The following GRIA1 variants were observed in gnomAD, a reference collection of about 807,000 sequenced individuals.
GRIA1 encodes the protein glutamate ionotropic receptor AMPA type subunit 1.
A neutral mutation model predicts 99.2 loss-of-function variants in GRIA1; 31 were observed. The ratio of observed to expected loss-of-function variants is 0.31; its 90% CI spans 0.23 to 0.42. The LOEUF is 0.42. GRIA1 is among the 10% of genes least tolerant of loss of function. The pLI is 1.00. For missense variants in GRIA1, 782 were observed against 1,157.5 expected (o/e 0.68, Z 4.71); for synonymous variants, 438 against 432.4 (o/e 1.01, Z -0.16).
chr5:153,751,246 T>G (rs1762494025), intron 11 of GRIA1, among the ~76,000 whole-genome samples: 1 of 152,218 alleles, frequency 6.6e-6, no homozygotes, highest in Non-Finnish European at 1.5e-5. Flanking sequence ...GCCCTCTGCT[T>G]TCTCTCTAAG....
intron 15 of GRIA1, among the ~76,000 whole-genome samples, chr5:153,808,527 T>C (rs1766594629): frequency 6.6e-6 from 1 of 152,172 alleles, no homozygotes; most frequent in Non-Finnish European, 1.5e-5. Flanking sequence ...AATTAGATCA[T>C]GTGGTTCAAC....
intron 2 of GRIA1, among the ~76,000 whole-genome samples, chr5:153,495,432 C>T (rs976264578): frequency 2.0e-5 from 3 of 152,148 alleles, no homozygotes; most frequent in African/African-American, 4.8e-5. Context: ...GTTTTGAGAC[C>T]TGAAGGTCCA....
chr5:153,513,966 T>C (rs1365343182), intron 2 of GRIA1, among the ~76,000 whole-genome samples: 1 of 152,220 alleles, frequency 6.6e-6, no homozygotes, highest in Admixed American at 6.5e-5. Flanking sequence ...ATTACCTCTA[T>C]TTTGGTTCAA....
chr5:153,804,049 A>C (rs1766239828), intron 15 of GRIA1, among the ~76,000 whole-genome samples: 1 of 151,554 alleles, frequency 6.6e-6, no homozygotes, highest in African/African-American at 2.4e-5. Context: ...TTTCGCCCCC[A>C]CCTCATGTTC....
chr5:153,702,658 A>T (rs541134565), intron 10 of GRIA1, among the ~76,000 whole-genome samples: 5 of 152,338 alleles, frequency 3.3e-5, no homozygotes, highest in Admixed American at 2.0e-4. Flanking sequence ...CTGGGAACCT[A>T]TTAGAAATGC....
chr5:153,707,239 A>G (rs1758962405), intron 11 of GRIA1, among the ~76,000 whole-genome samples: 1 of 152,158 alleles, frequency 6.6e-6, no homozygotes, highest in African/African-American at 2.4e-5. Flanking sequence ...GAATGGCTCC[A>G]TTTTTGTCTG....
At chr5:153,535,801 G>A (rs1348632199) in intron 2 of GRIA1, among the ~76,000 whole-genome samples, 1 of 152,176 alleles carries the variant, frequency 6.6e-6, no homozygotes, top group Non-Finnish European at 1.5e-5. Flanking sequence ...CACCCAGAAA[G>A]AGACCAAGAG....
chr5:153,550,147 G>A (rs1013251076), intron 2 of GRIA1, among the ~76,000 whole-genome samples: 2 of 126,084 alleles, frequency 1.6e-5, no homozygotes, highest in Non-Finnish European at 3.8e-5. Context: ...GATTCAGCAG[G>A]TGTTTTATTT....
At chr5:153,800,638 C>G (rs1002194346) in intron 14 of GRIA1, among the ~76,000 whole-genome samples, 2 of 152,200 alleles carry the variant, frequency 1.3e-5, no homozygotes, top group African/African-American at 4.8e-5. Flanking sequence ...AGGGGGCATG[C>G]TTTAGATAAT....
At chr5:153,772,502 T>C (rs1016663539) in intron 13 of GRIA1, among the ~76,000 whole-genome samples, 2 of 152,124 alleles carry the variant, frequency 1.3e-5, no homozygotes, top group African/African-American at 4.8e-5. Context: ...TAAAGAACTT[T>C]TGTCTTTATT....
intron 14 of GRIA1, among the ~76,000 whole-genome samples, chr5:153,800,404 A>T (rs879238499): frequency 1.3e-5 from 2 of 152,212 alleles, no homozygotes; most frequent in Non-Finnish European, 2.9e-5. Context: ...TGTTCTAAAA[A>T]TCATGTGAAG....
At chr5:153,607,490 A>C (rs1765559081) in intron 2 of GRIA1, among the ~76,000 whole-genome samples, 1 of 151,818 alleles carries the variant, frequency 6.6e-6, no homozygotes, top group African/African-American at 2.4e-5. Flanking sequence ...TTTCTCTCTA[A>C]AGATAGACTT....
intron 2 of GRIA1, chr5:153,525,534 C>A (rs879938819): frequency 9.2e-5 from 14 of 151,726 alleles, no homozygotes; most frequent in South Asian, 2.1e-4. Context: ...AAAAAAAAAA[C>A]CACCTAGTCT....
intron 2 of GRIA1, among the ~76,000 whole-genome samples, chr5:153,508,685 AAGG>A (rs1444695581): frequency 6.6e-6 from 1 of 152,176 alleles, no homozygotes; most frequent in African/African-American, 2.4e-5. Flanking sequence ...TCTGTGGAGG[AAGG>A]AGAAGTGATA....
At chr5:153,553,764 C>A (rs891176120) in intron 2 of GRIA1, among the ~76,000 whole-genome samples, 6 of 152,194 alleles carry the variant, frequency 3.9e-5, no homozygotes. Context: ...AAAATGCGAT[C>A]ACCAGTTTCA....
intron 4 of GRIA1, among the ~76,000 whole-genome samples, chr5:153,652,668 T>C (rs1050060161): frequency 6.6e-6 from 1 of 152,218 alleles, no homozygotes; most frequent in East Asian, 1.9e-4. Context: ...TTGTAGCATA[T>C]TGACATTTTT....
At chr5:153,645,023 C>A (rs974278726) in intron 2 of GRIA1, among the ~76,000 whole-genome samples, 1 of 151,976 alleles carries the variant, frequency 6.6e-6, no homozygotes, top group African/African-American at 2.4e-5. Flanking sequence ...TGGATTTGTA[C>A]AAGGAGAAAG....
intron 2 of GRIA1, among the ~76,000 whole-genome samples, chr5:153,624,219 C>T (rs1019877753): frequency 2.6e-5 from 4 of 152,136 alleles, no homozygotes; most frequent in African/African-American, 9.7e-5. Context: ...CCCAAAAGTC[C>T]CAAGGTCAGA....
chr5:153,804,960 C>T (rs948649093), intron 15 of GRIA1, among the ~76,000 whole-genome samples: 15 of 152,052 alleles, frequency 9.9e-5, no homozygotes, highest in East Asian at 9.7e-4. Flanking sequence ...CCATGTTGAC[C>T]GGGCTGGTCT....
Sources: allele counts gnomAD v4.1 joint callset (sites outside exome capture counted in the v4.1 genomes callset), GRCh38; gene constraint gnomAD v4.1.1; transcripts MANE v1.5; gene names NCBI Gene and HGNC (gene_info 2026-07-23, HGNC 2026-07-21).